Variants in SRGAP3 observed in about 807,000 individuals in gnomAD.
The protein encoded by SRGAP3 is SLIT-ROBO Rho GTPase activating protein 3, also known as SLIT-ROBO Rho GTPase-activating protein 3.
In SRGAP3, 39 loss-of-function variants were observed where a neutral mutation model predicts 121.1. The observed-to-expected ratio is 0.32, with a 90% CI of 0.25 to 0.42. The LOEUF (loss-of-function observed/expected upper bound fraction) is 0.42, where lower values mean the gene tolerates loss of function less well. Ranked by LOEUF, SRGAP3 falls within the 10% of genes least tolerant of loss-of-function variation. The probability of loss-of-function intolerance (pLI) is 1.00; values close to 1 mark genes in which losing one functional copy is unlikely to be tolerated. For missense variants in SRGAP3, 1,213 were observed against 1,470.6 expected (o/e 0.82, Z 2.86); for synonymous variants, 601 against 570.0 (o/e 1.05, Z -0.77).
chr3:9,326,782 A>G (rs912398785), intron 2 of SRGAP3, among the ~76,000 whole-genome samples: 4 of 151,870 alleles, frequency 2.6e-5, no homozygotes, highest in Non-Finnish European at 4.4e-5. Flanking sequence ...CTGTTAAAAT[A>G]CCAAAGGTTT....
At chr3:9,142,233 C>T (rs950624031) in intron 1 of SRGAP3, among the ~76,000 whole-genome samples, 9 of 152,126 alleles carry the variant, frequency 5.9e-5, no homozygotes, top group South Asian at 2.1e-4. Flanking sequence ...TAAAAAGTTA[C>T]GCAAATGGGC....
rs754427241 is a variant in SRGAP3 at position 9,249,049 on chromosome 3, C to T, written c.-98G>A. ...GCCCTGGTAATCACACAGCTCTGGT[C>T]GATTTCACAGGTTTAGGGACTAATC... On this transcript the variant is annotated 5_prime_UTR_variant, in exon 1 of 22. Transcript: ENST00000383836. 2.5e-6 allele frequency: 3 copies of T among 1,213,782 alleles called. No homozygotes were observed. Among genetic ancestry groups the T allele is most frequent in the Non-Finnish European group, 3.7e-6 (3 of 821,826 alleles). 75.2% of individuals were successfully genotyped at this position (1,213,782 alleles called of 1,614,324 possible). A position where few individuals can be genotyped will look rare whatever the true frequency, so the allele number is the denominator to read the frequency against.
At chr3:9,317,152 A>T (rs912257340) in intron 3 of SRGAP3, among the ~76,000 whole-genome samples, 2 of 152,204 alleles carry the variant, frequency 1.3e-5, no homozygotes, top group Non-Finnish European at 2.9e-5. Context: ...AGCACTCATT[A>T]TATGTGAATA....
chr3:9,295,293 A>G (rs1219660715), intron 3 of SRGAP3, among the ~76,000 whole-genome samples: 1 of 152,226 alleles, frequency 6.6e-6, no homozygotes, highest in African/African-American at 2.4e-5. Context: ...CTGCAAATCT[A>G]TTCTCTTCAT....
At chr3:9,227,185 TC>T (rs1953016600) in intron 1 of SRGAP3, among the ~76,000 whole-genome samples, 1 of 152,174 alleles carries the variant, frequency 6.6e-6, no homozygotes, top group Admixed American at 6.5e-5. Flanking sequence ...TTACATGAAC[TC>T]CCCTGATTTT....
At chr3:9,302,685 G>C (rs1377639364) in intron 3 of SRGAP3, among the ~76,000 whole-genome samples, 3 of 152,200 alleles carry the variant, frequency 2.0e-5, no homozygotes, top group Non-Finnish European at 4.4e-5. Context: ...AGAACGCCAG[G>C]TTCTTGCAGT....
At chr3:9,258,163 T>C (rs1954175343) in intron 3 of SRGAP3, among the ~76,000 whole-genome samples, 1 of 151,966 alleles carries the variant, frequency 6.6e-6, no homozygotes, top group African/African-American at 2.4e-5. Context: ...AAGCACAGGG[T>C]CCCATGGGAT....
intron 1 of SRGAP3, among the ~76,000 whole-genome samples, chr3:9,147,421 T>A (rs1434696986): frequency 6.6e-6 from 1 of 152,102 alleles, no homozygotes; most frequent in African/African-American, 2.4e-5. Context: ...ACCACAAACC[T>A]ACAGCAGCCT....
chr3:9,072,952 C>A (rs963707504), intron 4 of SRGAP3, among the ~76,000 whole-genome samples: 6 of 152,206 alleles, frequency 3.9e-5, no homozygotes, highest in Non-Finnish European at 8.8e-5. Context: ...GAGGAAAAAA[C>A]AGTCGTGCCC....
chr3:9,085,734 C>T (rs1434790525), intron 3 of SRGAP3, among the ~76,000 whole-genome samples: 1 of 152,146 alleles, frequency 6.6e-6, no homozygotes, highest in East Asian at 1.9e-4. Context: ...ACCACATATT[C>T]TTACTTATAA....
chr3:9,071,179 T>C (rs1946690344), intron 4 of SRGAP3, among the ~76,000 whole-genome samples: 1 of 152,144 alleles, frequency 6.6e-6, no homozygotes, highest in Admixed American at 6.5e-5. Context: ...ATGGAACCAC[T>C]TCCTCATTCT....
At chr3:9,009,007 C>G (rs1229865970) in intron 18 of SRGAP3, among the ~76,000 whole-genome samples, 1 of 152,242 alleles carries the variant, frequency 6.6e-6, no homozygotes, top group African/African-American at 2.4e-5. Flanking sequence ...GGAAGCAGAA[C>G]AAGAAGACAG....
chr3:9,276,422 C>T (rs970405254), intron 3 of SRGAP3, among the ~76,000 whole-genome samples: 16 of 132,254 alleles, frequency 1.2e-4, no homozygotes, highest in Admixed American at 6.1e-4. Flanking sequence ...AGATTTTTGA[C>T]TGTTTGTTTT....
At chr3:9,301,006 C>T (rs1191691127) in intron 3 of SRGAP3, among the ~76,000 whole-genome samples, 3 of 152,164 alleles carry the variant, frequency 2.0e-5, no homozygotes, top group Non-Finnish European at 4.4e-5. Flanking sequence ...AGCTCAGCAC[C>T]TCTGGGAGCA....
At chr3:9,355,127 A>C (rs919367026) in intron 1 of SRGAP3, among the ~76,000 whole-genome samples, 1 of 152,186 alleles carries the variant, frequency 6.6e-6, no homozygotes. Flanking sequence ...AAACCAGCAA[A>C]TCTGCTAAGT....
At chr3:9,110,509 C>T (rs1048528112) in intron 2 of SRGAP3, among the ~76,000 whole-genome samples, 15 of 152,250 alleles carry the variant, frequency 9.9e-5, no homozygotes, top group African/African-American at 2.9e-4. Context: ...CATGGCAAGG[C>T]TGTGGCCGGA....
At chr3:9,200,962 T>C (rs1029634992) in intron 1 of SRGAP3, among the ~76,000 whole-genome samples, 4 of 152,030 alleles carry the variant, frequency 2.6e-5, no homozygotes, top group Non-Finnish European at 4.4e-5. Flanking sequence ...CAGCTGCCAG[T>C]GGTTTGGAAA....
chr3:9,149,653 G>GA (rs1176506710), intron 1 of SRGAP3, among the ~76,000 whole-genome samples: 1 of 152,172 alleles, frequency 6.6e-6, no homozygotes, highest in African/African-American at 2.4e-5. Context: ...GAGGGTGAGG[G>GA]AAAAAGCAGT....
intron 21 of SRGAP3, among the ~76,000 whole-genome samples, chr3:8,987,459 T>C (rs1224983083): frequency 6.6e-6 from 1 of 152,116 alleles, no homozygotes; most frequent in Non-Finnish European, 1.5e-5. Context: ...GTGAAACAGA[T>C]GGTGGGGTTG....
Sources: gnomAD v4.1 joint callset for allele counts (sites outside exome capture counted in the v4.1 genomes callset) on GRCh38, gnomAD v4.1.1 for gene constraint, MANE v1.5 for transcripts, NCBI Gene and HGNC (gene_info 2026-07-23, HGNC 2026-07-21) for gene names.